Variants in ERC2 observed in about 807,000 individuals in gnomAD.
ERC2 encodes ERC protein 2.
A neutral mutation model predicts 114.8 loss-of-function variants in ERC2; 42 were observed. The ratio of observed to expected loss-of-function variants is 0.37; its 90% CI spans 0.29 to 0.47. ERC2 has a LOEUF of 0.47. Among genes scored for constraint, ERC2 ranks in the 20% least tolerant of loss-of-function variants. The pLI is 0.99. For synonymous variants in ERC2, 454 were observed against 425.5 expected, an observed-to-expected ratio of 1.07 and a Z score of -0.82; for missense variants, 939 against 1,150.7, an observed-to-expected ratio of 0.82 and a Z score of 2.66.
rs1164236253 is a variant in ERC2, at chr3:55,861,694, C to A, written c.2564+26695G>T. Among the ~76,000 whole-genome samples, 3 of 151,946 alleles carry A rather than the reference C, an allele frequency of 2.0e-5. No homozygotes were observed. In the East Asian group the frequency reaches 5.8e-4, roughly 29 times the overall value. ...ATTACTAGGCAAATCGACTATGTAC[C>A]CAAAGCCTTCTAGTTAGGAGAGCTT... On this transcript the variant is annotated intron_variant, in intron 14 of 17. Transcript: ENST00000288221.
chr3:56,317,661 C>T (rs188051961), intron 2 of ERC2, among the ~76,000 whole-genome samples: 473 of 152,246 alleles, frequency 3.1e-3, no homozygotes, highest in Non-Finnish European at 4.6e-3. Context: ...TTGAACACCC[C>T]TATGTGCCAG....
At chr3:55,928,431 C>T (rs181701326) in intron 13 of ERC2, among the ~76,000 whole-genome samples, 120 of 152,192 alleles carry the variant, frequency 7.9e-4, no homozygotes, top group African/African-American at 1.9e-3. Flanking sequence ...TGTCTATTCA[C>T]GTCTTTTGCC....
intron 2 of ERC2, among the ~76,000 whole-genome samples, chr3:56,419,392 A>G (rs1451640209): frequency 6.6e-6 from 1 of 152,204 alleles, no homozygotes; most frequent in Non-Finnish European, 1.5e-5. Flanking sequence ...ATATTTAAAG[A>G]TGTGCTTTTA....
chr3:56,042,177 A>T lies in ERC2; in HGVS notation c.1642-23146T>A, dbSNP rs553218158. ...GTTATACATTCCCACGAGATGAAGG[A>T]GGGAAAAGAACTAGTTTCTAACTGG... is the stretch of plus-strand genomic sequence containing the variant. On this transcript the variant is annotated intron_variant, in intron 7 of 17. Transcript: ENST00000288221. Among the ~76,000 whole-genome samples, 6 of 152,278 alleles carry T rather than the reference A, an allele frequency of 3.9e-5. No individual in the cohort carries two copies. The South Asian group carries it at 1.2e-3, about 32-fold the overall frequency.
At chr3:55,944,572 T>G (rs1418242369) in intron 13 of ERC2, among the ~76,000 whole-genome samples, 1 of 152,214 alleles carries the variant, frequency 6.6e-6, no homozygotes, top group Admixed American at 6.5e-5. Context: ...ACAGTTTTAT[T>G]TACACGATTG....
intron 13 of ERC2, among the ~76,000 whole-genome samples, chr3:55,936,666 G>A (rs1355320099): frequency 2.0e-5 from 3 of 152,200 alleles, no homozygotes; most frequent in Non-Finnish European, 4.4e-5. Flanking sequence ...AGGGCAGGGA[G>A]GGTTTGGAGA....
intron 14 of ERC2, among the ~76,000 whole-genome samples, chr3:55,829,980 A>G (rs1332090688): frequency 1.3e-5 from 2 of 152,194 alleles, no homozygotes; most frequent in African/African-American, 2.4e-5. Context: ...TTCAAACAGG[A>G]GAAACAAACA....
intron 2 of ERC2, among the ~76,000 whole-genome samples, chr3:56,404,964 T>C (rs1456275039): frequency 6.6e-6 from 1 of 152,132 alleles, no homozygotes; most frequent in Non-Finnish European, 1.5e-5. Flanking sequence ...GATGGATGGA[T>C]AGGACTTCAA....
rs200582069 is a variant in ERC2 at position 55,888,428 on chromosome 3, A to C, written c.2525T>G (p.Ile842Ser). 5 of 1,613,786 alleles carry C rather than the reference A, an allele frequency of 3.1e-6. No homozygotes were observed. The highest frequency in any genetic ancestry group is 4.5e-5 in the East Asian group (2 of 44,868). The change falls in exon 14 of 18, where the codon ATT becomes AGT. Residue 842 changes from isoleucine (I) to serine (S), a missense_variant. Coordinates refer to ENST00000288221, the MANE Select transcript of ERC2 (RefSeq NM_015576.3). ...CTCCTCCAGCTGTTTCCTCCTCTCAATCCGGAGGTTGGCCAAGTGCGCTTC... is the reference window on the plus strand; with the variant it reads ...CTCCTCCAGCTGTTTCCTCCTCTCACTCCGGAGGTTGGCCAAGTGCGCTTC... Reference protein sequence around the residue: ...EKEAHLANLRIERRKQLEEIL... With the variant: ...EKEAHLANLRSERRKQLEEIL...
chr3:55,955,841 A>C (rs2067914842), intron 12 of ERC2, among the ~76,000 whole-genome samples: 2 of 152,252 alleles, frequency 1.3e-5, no homozygotes, highest in Admixed American at 1.3e-4. Flanking sequence ...TAGGGAGAGC[A>C]GTGGCTAAAC....
At chr3:55,759,048 G>A (rs2148990113) in intron 14 of ERC2, among the ~76,000 whole-genome samples, 1 of 152,110 alleles carries the variant, frequency 6.6e-6, no homozygotes, top group Middle Eastern at 3.4e-3. Flanking sequence ...TTTTAATTTG[G>A]AATAAATTTT....
intron 14 of ERC2, among the ~76,000 whole-genome samples, chr3:55,771,419 C>T (rs4955878): frequency 0.16 from 23,780 of 152,168 alleles, 2,031 homozygotes; most frequent in East Asian, 0.22. Flanking sequence ...TTCACGTCCA[C>T]CCTGCTACCA....
intron 3 of ERC2, among the ~76,000 whole-genome samples, chr3:56,238,668 AT>A (rs2051127095): frequency 6.6e-6 from 1 of 152,168 alleles, no homozygotes. Flanking sequence ...ATACTTAGAT[AT>A]TTGGTCTGCG....
At chr3:56,094,857 T>C (rs2077970563) in intron 6 of ERC2, among the ~76,000 whole-genome samples, 1 of 152,232 alleles carries the variant, frequency 6.6e-6, no homozygotes, top group African/African-American at 2.4e-5. Context: ...AAACTTACTT[T>C]CATTTAGAAA....
chr3:55,704,154 A>C (rs2063363146), intron 15 of ERC2, among the ~76,000 whole-genome samples: 1 of 152,126 alleles, frequency 6.6e-6, no homozygotes, highest in African/African-American at 2.4e-5. Flanking sequence ...AGATACTCCA[A>C]CTCTTTTGAC....
intron 2 of ERC2, among the ~76,000 whole-genome samples, chr3:56,313,864 A>C: frequency 6.6e-6 from 1 of 152,248 alleles, no homozygotes; most frequent in Non-Finnish European, 1.5e-5. Context: ...TACAATTGCT[A>C]TTCTGATTAA....
At chr3:55,771,116 G>A (rs1287432272) in intron 14 of ERC2, among the ~76,000 whole-genome samples, 1 of 152,170 alleles carries the variant, frequency 6.6e-6, no homozygotes, top group Non-Finnish European at 1.5e-5. Context: ...ACGTGTGTAT[G>A]TGTCTTTATA....
chr3:56,329,904 A>C (rs954628474), intron 2 of ERC2, among the ~76,000 whole-genome samples: 1 of 151,064 alleles, frequency 6.6e-6, no homozygotes, highest in South Asian at 2.1e-4. Flanking sequence ...TATATATTTC[A>C]AATATTCATG....
At chr3:55,518,744 A>G (rs186483861) in intron 17 of ERC2, among the ~76,000 whole-genome samples, 1 of 152,248 alleles carries the variant, frequency 6.6e-6, no homozygotes, top group African/African-American at 2.4e-5. Context: ...TGATGTATGC[A>G]GTGTGTAACT....
Sources: gnomAD v4.1 joint callset for allele counts (sites outside exome capture counted in the v4.1 genomes callset) on GRCh38, gnomAD v4.1.1 for gene constraint, MANE v1.5 for transcripts, NCBI Gene and HGNC (gene_info 2026-07-23, HGNC 2026-07-21) for gene names.